Variants in SGCZ observed in about 807,000 individuals in gnomAD.
The protein encoded by SGCZ is zeta-sarcoglycan.
SGCZ carries 40 observed loss-of-function variants against 41.3 expected under a neutral mutation model. The ratio of observed to expected loss-of-function variants is 0.97; its 90% CI spans 0.75 to 1.26. The LOEUF is 1.26. Among genes scored for constraint, SGCZ ranks in the 50% most tolerant of loss-of-function variants. The pLI, the probability that SGCZ is intolerant of heterozygous loss-of-function variation, is 0.00. For synonymous variants in SGCZ, 206 were observed against 137.5 expected, an observed-to-expected ratio of 1.50 and a Z score of -3.49; for missense variants, 552 against 369.8, an observed-to-expected ratio of 1.49 and a Z score of -4.04.
chr8:14,256,489 T>C (rs1244204739), intron 3 of SGCZ, among the ~76,000 whole-genome samples: 1 of 150,930 alleles, frequency 6.6e-6, no homozygotes, highest in Non-Finnish European at 1.5e-5. Flanking sequence ...TCATGCTTAA[T>C]ATTAAATCCC....
intron 3 of SGCZ, among the ~76,000 whole-genome samples, chr8:14,322,318 G>A (rs1801949426): frequency 6.6e-6 from 1 of 152,030 alleles, no homozygotes; most frequent in South Asian, 2.1e-4. Flanking sequence ...GGGATATGAA[G>A]CGGAGCATAT....
chr8:14,400,957 T>C (rs1799054960), intron 2 of SGCZ, among the ~76,000 whole-genome samples: 1 of 152,108 alleles, frequency 6.6e-6, no homozygotes, highest in Non-Finnish European at 1.5e-5. Context: ...TTTCAAACAA[T>C]GAAAATCAAA....
chr8:14,309,390 G>C, intron 3 of SGCZ: 2 of 1,605,724 alleles, frequency 1.2e-6, no homozygotes, highest in East Asian at 4.5e-5. Flanking sequence ...CAGAGACGAA[G>C]TGACCTCGAT....
intron 2 of SGCZ, among the ~76,000 whole-genome samples, chr8:14,483,324 C>T (rs1419700346): frequency 1.3e-5 from 2 of 152,316 alleles, no homozygotes; most frequent in Non-Finnish European, 2.9e-5. Context: ...AATCCCAACA[C>T]TTTGGGAGGC....
intron 1 of SGCZ, among the ~76,000 whole-genome samples, chr8:14,807,208 T>C (rs552450705): frequency 6.6e-6 from 1 of 151,918 alleles, no homozygotes; most frequent in South Asian, 2.1e-4. Flanking sequence ...CTATTCAACA[T>C]AGTGTTGGAA....
chr8:15,090,451 C>G (rs973913507), intron 1 of SGCZ, among the ~76,000 whole-genome samples: 2 of 152,170 alleles, frequency 1.3e-5, no homozygotes, highest in Admixed American at 6.5e-5. Context: ...TGCTAGAGAA[C>G]AAAGAGCTCT....
rs193180573 is a variant in SGCZ at position 14,581,177 on chromosome 8, G to A, written c.40-26251C>T. Among the ~76,000 whole-genome samples, 43 of 152,004 alleles carry A rather than the reference G, an allele frequency of 2.8e-4. No homozygotes were observed. In the East Asian group the frequency reaches 6.8e-3, roughly 24 times the overall value. ...GGCTGCAGTGCAGTGGTGCGATCTC[G>A]GCTCACTTGCAACCTCTGTCTCCCA... On this transcript the variant is annotated intron_variant, in intron 1 of 7. Coordinates refer to ENST00000382080, the MANE Select transcript of SGCZ (RefSeq NM_139167.4).
chr8:14,584,243 A>G (rs541642484), intron 1 of SGCZ, among the ~76,000 whole-genome samples: 6 of 152,310 alleles, frequency 3.9e-5, no homozygotes, highest in African/African-American at 1.4e-4. Flanking sequence ...TAAATCATGA[A>G]AAGAGAGGAC....
rs1465855365 is a variant in SGCZ at position 14,950,497 on chromosome 8, T to C, written c.39+287088A>G. Among the ~76,000 whole-genome samples the C allele has an allele frequency of 2.0e-5, 3 of 152,076 alleles. No individual in the cohort carries two copies. The East Asian group carries it at 5.8e-4, about 29-fold the overall frequency. On this transcript the variant is annotated intron_variant, in intron 1 of 7. Transcript: ENST00000382080. The stretch of plus-strand genomic sequence containing the variant: ...TGTCAAGAAGACCAAGCACTGAATA[T>C]CTTTAACTGTTGATAATCACCATTA...
chr8:14,480,916 A>G (rs1801517972), intron 2 of SGCZ, among the ~76,000 whole-genome samples: 1 of 152,078 alleles, frequency 6.6e-6, no homozygotes, highest in Non-Finnish European at 1.5e-5. Context: ...AAAAAAGAAT[A>G]ACATTCTTAT....
intron 4 of SGCZ, among the ~76,000 whole-genome samples, chr8:14,210,138 A>G (rs1563187429): frequency 6.6e-6 from 1 of 151,996 alleles, no homozygotes; most frequent in Non-Finnish European, 1.5e-5. Flanking sequence ...GCTCACAGCA[A>G]CCTCCGCCTA....
At chr8:14,396,777 T>C (rs924864788) in intron 2 of SGCZ, among the ~76,000 whole-genome samples, 44 of 152,180 alleles carry the variant, frequency 2.9e-4, no homozygotes, top group African/African-American at 9.2e-4. Context: ...GAGCTTTCAG[T>C]TGACGCTAGT....
At chr8:14,224,222 A>G (rs1289568486) in intron 4 of SGCZ, among the ~76,000 whole-genome samples, 1 of 152,214 alleles carries the variant, frequency 6.6e-6, no homozygotes, top group Non-Finnish European at 1.5e-5. Flanking sequence ...ACATTTGCTG[A>G]CAAAGGATAC....
chr8:14,183,930 C>A lies in SGCZ; in HGVS notation c.425-19228G>T, dbSNP rs554357556. Among the ~76,000 whole-genome samples the A allele has an allele frequency of 2.6e-5, 4 of 152,084 alleles. No homozygotes were observed. In the South Asian group the frequency reaches 8.3e-4, roughly 32 times the overall value. On this transcript the variant is annotated intron_variant, in intron 4 of 7. Coordinates refer to ENST00000382080, the MANE Select transcript of SGCZ (RefSeq NM_139167.4). ...AAATGACTCTCTATGTAAAAAAATT[C>A]CAAAGAATCCACAAAGAAATACTTA...
chr8:14,368,071 A>G (rs1803776311), intron 2 of SGCZ, among the ~76,000 whole-genome samples: 1 of 152,070 alleles, frequency 6.6e-6, no homozygotes, highest in Non-Finnish European at 1.5e-5. Flanking sequence ...TAAATTTTTG[A>G]AAAGGTAAGT....
At chr8:14,611,405 T>C (rs763441107) in intron 1 of SGCZ, among the ~76,000 whole-genome samples, 2 of 152,168 alleles carry the variant, frequency 1.3e-5, no homozygotes, top group African/African-American at 2.4e-5. Flanking sequence ...TTAGAGATTA[T>C]GGCTTTCTAA....
intron 1 of SGCZ, among the ~76,000 whole-genome samples, chr8:14,992,610 A>C (rs1281608955): frequency 2.0e-5 from 3 of 150,608 alleles, no homozygotes; most frequent in Non-Finnish European, 4.4e-5. Context: ...ATCTACTCCC[A>C]AAACCAGTGT....
chr8:14,832,644 T>G (rs1190298331), intron 1 of SGCZ, among the ~76,000 whole-genome samples: 3 of 152,192 alleles, frequency 2.0e-5, no homozygotes, highest in Admixed American at 1.3e-4. Flanking sequence ...AAAGGGTGTC[T>G]GCAGTTCTGG....
intron 3 of SGCZ, among the ~76,000 whole-genome samples, chr8:14,274,518 C>T (rs902882770): frequency 6.6e-6 from 1 of 152,110 alleles, no homozygotes. Context: ...CCTCTGTGTG[C>T]TAACACTATA....
Sources: allele counts gnomAD v4.1 joint callset (sites outside exome capture counted in the v4.1 genomes callset), GRCh38; gene constraint gnomAD v4.1.1; transcripts MANE v1.5; gene names NCBI Gene and HGNC (gene_info 2026-07-23, HGNC 2026-07-21).